ATRNL1: variants seen among roughly 807,000 people sequenced by gnomAD.
ATRNL1 encodes attractin-like protein 1.
Under a neutral mutation model 182.7 loss-of-function variants are expected in ATRNL1, and 95 were observed. That is an observed-to-expected ratio of 0.52 (90% CI 0.44 to 0.62). The LOEUF (loss-of-function observed/expected upper bound fraction) is 0.62, where lower values mean the gene tolerates loss of function less well. Among genes scored for constraint, ATRNL1 ranks in the 20% least tolerant of loss-of-function variants. The probability of loss-of-function intolerance (pLI) is 0.00; values close to 1 mark genes in which losing one functional copy is unlikely to be tolerated. For synonymous variants in ATRNL1, 576 were observed against 568.3 expected, an observed-to-expected ratio of 1.01 and a Z score of -0.19; for missense variants, 1,471 against 1,679.5, an observed-to-expected ratio of 0.88 and a Z score of 2.17.
At chr10:115,294,504 G>T (rs1853081758) in intron 15 of ATRNL1, among the ~76,000 whole-genome samples, 1 of 151,862 alleles carries the variant, frequency 6.6e-6, no homozygotes, top group Non-Finnish European at 1.5e-5. Context: ...TTCTTATTTT[G>T]TTGAATTGTC....
At chr10:115,708,980 C>T (rs150745736) in intron 26 of ATRNL1, among the ~76,000 whole-genome samples, 1 of 151,778 alleles carries the variant, frequency 6.6e-6, no homozygotes, top group East Asian at 1.9e-4. Context: ...TGATTGTTTA[C>T]TTAAGATTCT....
At chr10:115,562,158 GAT>G in intron 26 of ATRNL1, among the ~76,000 whole-genome samples, 1 of 152,236 alleles carries the variant, frequency 6.6e-6, no homozygotes, top group Middle Eastern at 3.4e-3. Flanking sequence ...AATAAAAGGT[GAT>G]ATATGTGTAA....
intron 28 of ATRNL1, among the ~76,000 whole-genome samples, chr10:115,866,953 T>C (rs578244815): frequency 6.6e-6 from 1 of 152,308 alleles, no homozygotes; most frequent in South Asian, 2.1e-4. Context: ...GGAACAGATG[T>C]CAGTTTTAGG....
At chr10:115,800,765 G>GT (rs1555084169) in intron 27 of ATRNL1, among the ~76,000 whole-genome samples, 1 of 152,212 alleles carries the variant, frequency 6.6e-6, no homozygotes, top group African/African-American at 2.4e-5. Flanking sequence ...TTTCTGTCAT[G>GT]TGAGGACACA....
At chr10:115,696,867 G>A (rs1565295903) in intron 26 of ATRNL1, among the ~76,000 whole-genome samples, 1 of 139,018 alleles carries the variant, frequency 7.2e-6, no homozygotes, top group Non-Finnish European at 1.5e-5. Context: ...TCACATATCA[G>A]AGCGAGAGAG....
intron 27 of ATRNL1, among the ~76,000 whole-genome samples, chr10:115,789,431 A>G: frequency 6.6e-6 from 1 of 152,176 alleles, no homozygotes; most frequent in Non-Finnish European, 1.5e-5. Flanking sequence ...CAAAATGGGG[A>G]TACATAGCAC....
intron 26 of ATRNL1, among the ~76,000 whole-genome samples, chr10:115,560,056 A>T (rs1592851972): frequency 1.3e-5 from 2 of 152,350 alleles, no homozygotes; most frequent in Admixed American, 1.3e-4. Flanking sequence ...TGCCAGAGCA[A>T]TATAAAAATC....
rs782289229 is a variant in ATRNL1 at position 115,815,388 on chromosome 10, A to G, written c.3904-32489A>G. Among the ~76,000 whole-genome samples, 119 of 150,336 alleles carry G rather than the reference A, an allele frequency of 7.9e-4. 4 individuals carry two copies. The highest frequency in any genetic ancestry group is 1.5e-4 in the Non-Finnish European group (10 of 67,676). On this transcript the variant is annotated intron_variant, in intron 27 of 28. Coordinates refer to ENST00000355044, the MANE Select transcript of ATRNL1 (RefSeq NM_207303.4). ...TTGAATTTTACCACCACAGATCAAC[A>G]CATCCACTGGTATGTGGTGTGTGTG...
intron 25 of ATRNL1, among the ~76,000 whole-genome samples, chr10:115,538,085 T>G (rs782201266): frequency 1.3e-5 from 2 of 152,248 alleles, no homozygotes; most frequent in African/African-American, 2.4e-5. Flanking sequence ...TATCACACTT[T>G]GTTTATCCAT....
At chr10:115,447,418 C>T (rs1343577010) in intron 21 of ATRNL1, among the ~76,000 whole-genome samples, 1 of 151,140 alleles carries the variant, frequency 6.6e-6, no homozygotes, top group Non-Finnish European at 1.5e-5. Context: ...ATATAATAAT[C>T]AATATTTATT....
intron 8 of ATRNL1, among the ~76,000 whole-genome samples, chr10:115,199,362 C>T (rs1554891772): frequency 6.6e-6 from 1 of 151,866 alleles, no homozygotes; most frequent in Non-Finnish European, 1.5e-5. Context: ...GTCAAGAGAT[C>T]GAGACCTTCC....
intron 21 of ATRNL1, among the ~76,000 whole-genome samples, chr10:115,435,806 TA>T (rs1846378411): frequency 6.6e-6 from 1 of 152,226 alleles, no homozygotes; most frequent in Non-Finnish European, 1.5e-5. Context: ...TTTCTGTTTT[TA>T]ACTTGAATTT....
At chr10:115,098,423 T>C (rs931677168) in intron 1 of ATRNL1, among the ~76,000 whole-genome samples, 28 of 149,450 alleles carry the variant, frequency 1.9e-4, no homozygotes, top group Non-Finnish European at 3.0e-5. Context: ...TTACTGATCA[T>C]CCTTCTAATC....
chr10:115,348,796 G>A (rs1856097189), intron 19 of ATRNL1, among the ~76,000 whole-genome samples: 1 of 152,032 alleles, frequency 6.6e-6, no homozygotes, highest in Admixed American at 6.6e-5. Flanking sequence ...GTCTTGGAAG[G>A]TCTTTCATTT....
chr10:115,713,704 T>TTATCTATC (rs201513684), intron 26 of ATRNL1, among the ~76,000 whole-genome samples: 1 of 48,158 alleles, frequency 2.1e-5, no homozygotes, highest in African/African-American at 4.4e-5. Flanking sequence ...TATCTATCTA[T>TTATCTATC]CATCTATCTA....
In ATRNL1 at chr10:115,252,770, T is replaced by C. The variant is rs536524738; in HGVS notation, c.1687+11045T>C. Among the ~76,000 whole-genome samples the C allele has an allele frequency of 5.3e-5, 8 of 152,338 alleles. No individual in the cohort carries two copies. In the East Asian group the frequency reaches 1.5e-3, roughly 29 times the overall value. The stretch of plus-strand genomic sequence containing the variant: ...GCTTTATCAGCCTTTCATTATCTTT[T>C]TCTAGAGCTCACTGGGGCTAAGCAG... On this transcript the variant is annotated intron_variant, in intron 10 of 28. Coordinates refer to ENST00000355044, the MANE Select transcript of ATRNL1 (RefSeq NM_207303.4).
At chr10:115,543,659 A>G (rs1554992739) in intron 25 of ATRNL1, among the ~76,000 whole-genome samples, 1 of 152,132 alleles carries the variant, frequency 6.6e-6, no homozygotes, top group Non-Finnish European at 1.5e-5. Flanking sequence ...TTTATTTGTC[A>G]CAGCAACCTG....
chr10:115,280,399 G>T (rs1554916435), intron 13 of ATRNL1, among the ~76,000 whole-genome samples: 1 of 152,158 alleles, frequency 6.6e-6, no homozygotes, highest in Non-Finnish European at 1.5e-5. Flanking sequence ...TAAAAACAGA[G>T]AAAAGAGGAA....
chr10:115,578,553 T>C (rs2254124), intron 26 of ATRNL1, among the ~76,000 whole-genome samples: 147,535 of 151,658 alleles, frequency 0.97, 71,923 homozygotes, highest in East Asian at 1. Context: ...CATAATATTC[T>C]TTATGATCCT....
Sources: gnomAD v4.1 joint callset for allele counts (sites outside exome capture counted in the v4.1 genomes callset) on GRCh38, gnomAD v4.1.1 for gene constraint, MANE v1.5 for transcripts, NCBI Gene and HGNC (gene_info 2026-07-23, HGNC 2026-07-21) for gene names.